Variants in GNAQ observed in about 807,000 individuals in gnomAD.
GNAQ encodes the protein G protein subunit alpha q.
Under a neutral mutation model 43.9 loss-of-function variants are expected in GNAQ, and 8 were observed. That is an observed-to-expected ratio of 0.18 (90% CI 0.11 to 0.33). The LOEUF is 0.33. GNAQ is among the 10% of genes least tolerant of loss of function. The pLI is 1.00. For synonymous variants in GNAQ, 155 were observed against 170.7 expected (o/e 0.91, Z 0.71); for missense variants, 158 against 450.8 (o/e 0.35, Z 5.88).
intron 5 of GNAQ, among the ~76,000 whole-genome samples, chr9:77,793,237 A>C (rs950776643): frequency 3.9e-5 from 6 of 152,158 alleles, no homozygotes; most frequent in Non-Finnish European, 7.4e-5. Flanking sequence ...GCTTTTAGGC[A>C]CTTTGCTTTA....
At chr9:77,748,442 A>ACTT (rs1825763094) in intron 5 of GNAQ, among the ~76,000 whole-genome samples, 1 of 152,156 alleles carries the variant, frequency 6.6e-6, no homozygotes, top group South Asian at 2.1e-4. Flanking sequence ...CTCCCAATTA[A>ACTT]CTTTTAAGGA....
chr9:77,844,676 T>A (rs1001793541), intron 2 of GNAQ, among the ~76,000 whole-genome samples: 1 of 152,194 alleles, frequency 6.6e-6, no homozygotes, highest in African/African-American at 2.4e-5. Context: ...TTATTTATTT[T>A]GTTATTTTTT....
chr9:77,787,630 A>G (rs970793458), intron 5 of GNAQ, among the ~76,000 whole-genome samples: 1 of 152,250 alleles, frequency 6.6e-6, no homozygotes, highest in Non-Finnish European at 1.5e-5. Flanking sequence ...TTACTAGAAA[A>G]TAAGAGATTA....
chr9:77,823,971 A>T (rs1284068266), intron 2 of GNAQ, among the ~76,000 whole-genome samples: 1 of 152,166 alleles, frequency 6.6e-6, no homozygotes, highest in African/African-American at 2.4e-5. Context: ...CAAAATATAA[A>T]ATCTTCCTAA....
At chr9:77,942,126 A>AG (rs1829324814) in intron 1 of GNAQ, among the ~76,000 whole-genome samples, 1 of 152,174 alleles carries the variant, frequency 6.6e-6, no homozygotes, top group African/African-American at 2.4e-5. Context: ...AGAAACTGGG[A>AG]GAAAAAAAAG....
chr9:77,973,014 GA>G (rs10541482), intron 1 of GNAQ, among the ~76,000 whole-genome samples: 9,562 of 114,590 alleles, frequency 0.083, 325 homozygotes, highest in African/African-American at 0.12. Flanking sequence ...AAAAAGAAAG[GA>G]AAAAAAAAAA....
In GNAQ at chr9:77,889,410, C is replaced by CAAAAAAAAAAAA. The variant is rs58496646; in HGVS notation, c.321+32739_321+32750dup. ...TGGGCGACAAAGCCAGACCCTGTCT[C>CAAAAAAAAAAAA]AAAAAAAAAAAAAAAAAAAAAAAAA... On this transcript the variant is annotated intron_variant, in intron 2 of 6. Coordinates refer to ENST00000286548, the MANE Select transcript of GNAQ (RefSeq NM_002072.5). Among the ~76,000 whole-genome samples, 23 of 48,062 alleles carry CAAAAAAAAAAAA rather than the reference C, an allele frequency of 4.8e-4. 1 individual carries two copies. Among genetic ancestry groups the CAAAAAAAAAAAA allele is most frequent in the South Asian group, 1.3e-3 (1 of 760 alleles). The allele number at this position is 48,062 out of a possible 152,430, so 31.5% of individuals were successfully genotyped here.
chr9:77,995,961 T>C (rs187124598), intron 1 of GNAQ, among the ~76,000 whole-genome samples: 38 of 152,324 alleles, frequency 2.5e-4, no homozygotes, highest in Non-Finnish European at 4.4e-4. Context: ...GTCTTTGCCA[T>C]ACATTCTATT....
intron 1 of GNAQ, among the ~76,000 whole-genome samples, chr9:78,021,596 C>G (rs1261591053): frequency 6.6e-6 from 1 of 152,136 alleles, no homozygotes; most frequent in Non-Finnish European, 1.5e-5. Context: ...AGAAAAGAGA[C>G]CTGCTAGCTC....
At chr9:77,824,272 T>G (rs568774414) in intron 2 of GNAQ, among the ~76,000 whole-genome samples, 44 of 152,346 alleles carry the variant, frequency 2.9e-4, no homozygotes, top group African/African-American at 9.9e-4. Flanking sequence ...CCTTAATAGT[T>G]TTAATTCAGA....
chr9:78,018,208 T>C (rs959508216), intron 1 of GNAQ, among the ~76,000 whole-genome samples: 13 of 151,872 alleles, frequency 8.6e-5, no homozygotes, highest in African/African-American at 2.9e-4. Context: ...GTAAACAATA[T>C]ACATCCTCTC....
intron 1 of GNAQ, among the ~76,000 whole-genome samples, chr9:77,962,572 G>A (rs1283628789): frequency 2.6e-5 from 4 of 152,062 alleles, no homozygotes; most frequent in Admixed American, 6.6e-5. Context: ...AAACTATGGT[G>A]GATATATACA....
chr9:78,018,021 T>A (rs1823860476), intron 1 of GNAQ, among the ~76,000 whole-genome samples: 1 of 152,104 alleles, frequency 6.6e-6, no homozygotes, highest in Non-Finnish European at 1.5e-5. Flanking sequence ...TAACCAAGGT[T>A]GTAAAATTTT....
At chr9:77,797,971 G>A (rs1347986944) in intron 3 of GNAQ, among the ~76,000 whole-genome samples, 1 of 152,198 alleles carries the variant, frequency 6.6e-6, no homozygotes. Flanking sequence ...TAGTAGGTTT[G>A]GTTGTCAAAG....
intron 5 of GNAQ, among the ~76,000 whole-genome samples, chr9:77,745,174 G>A (rs951212293): frequency 6.6e-6 from 1 of 152,114 alleles, no homozygotes; most frequent in African/African-American, 2.4e-5. Flanking sequence ...ACCTAGTTCT[G>A]TAACTGGGCT....
intron 5 of GNAQ, among the ~76,000 whole-genome samples, chr9:77,752,734 T>C (rs1301035539): frequency 6.6e-6 from 1 of 152,252 alleles, no homozygotes; most frequent in Non-Finnish European, 1.5e-5. Context: ...CAGATGTTAT[T>C]CTGCATGTAA....
intron 1 of GNAQ, among the ~76,000 whole-genome samples, chr9:77,942,153 G>C (rs1319404846): frequency 6.6e-6 from 1 of 152,036 alleles, no homozygotes; most frequent in African/African-American, 2.4e-5. Flanking sequence ...CCCCTTACAA[G>C]GACTTTACTT....
intron 1 of GNAQ, among the ~76,000 whole-genome samples, chr9:77,951,255 G>A (rs1822973066): frequency 6.6e-6 from 1 of 151,846 alleles, no homozygotes; most frequent in Non-Finnish European, 1.5e-5. Flanking sequence ...ACGCCACCAT[G>A]CCCGGCTAAT....
At chr9:77,919,609 A>G (rs951970257) in intron 2 of GNAQ, among the ~76,000 whole-genome samples, 7 of 152,152 alleles carry the variant, frequency 4.6e-5, no homozygotes, top group Non-Finnish European at 1.5e-5. Flanking sequence ...CAAGGTGAAA[A>G]TGACGCTTTA....
Sources: allele counts gnomAD v4.1 joint callset (sites outside exome capture counted in the v4.1 genomes callset), GRCh38; gene constraint gnomAD v4.1.1; transcripts MANE v1.5; gene names NCBI Gene and HGNC (gene_info 2026-07-23, HGNC 2026-07-21).